The following MTUS2 variants were observed in gnomAD, a reference collection of about 807,000 sequenced individuals.
The protein encoded by MTUS2 is microtubule-associated tumor suppressor candidate 2.
A neutral mutation model predicts 114.1 loss-of-function variants in MTUS2; 40 were observed. That is an observed-to-expected ratio of 0.35 (90% confidence interval 0.27 to 0.46). The LOEUF is 0.46. MTUS2 is among the 20% of genes least tolerant of loss of function. MTUS2 has a pLI of 1.00. For missense variants in MTUS2, 1,679 were observed against 1,705.4 expected, an observed-to-expected ratio of 0.98 and a Z score of 0.27; for synonymous variants, 688 against 672.0, an observed-to-expected ratio of 1.02 and a Z score of -0.37.
intron 9 of MTUS2, among the ~76,000 whole-genome samples, chr13:29,442,224 G>A (rs889992651): frequency 1.3e-5 from 2 of 152,142 alleles, no homozygotes; most frequent in East Asian, 3.9e-4. Context: ...TCAATTCACA[G>A]CGACCACAGT....
At chr13:29,208,634 A>G (rs4769690) in intron 5 of MTUS2, among the ~76,000 whole-genome samples, 7,251 of 152,132 alleles carry the variant, frequency 0.048, 432 homozygotes, top group East Asian at 0.23. Flanking sequence ...TCGTATCACT[A>G]TAATCATTTG....
chr13:28,964,061 C>T (rs547524947), intron 2 of MTUS2, among the ~76,000 whole-genome samples: 6 of 152,176 alleles, frequency 3.9e-5, no homozygotes, highest in Non-Finnish European at 8.8e-5. Context: ...TAACCTCTAG[C>T]CCTAACCATT....
At chr13:29,313,309 G>C (rs1002762009) in intron 6 of MTUS2, among the ~76,000 whole-genome samples, 3 of 152,232 alleles carry the variant, frequency 2.0e-5, no homozygotes, top group African/African-American at 7.2e-5. Context: ...CAAAAGATTT[G>C]GCATTTTATT....
At chr13:29,286,733 C>T (rs1236573438) in intron 6 of MTUS2, among the ~76,000 whole-genome samples, 2 of 135,202 alleles carry the variant, frequency 1.5e-5, no homozygotes, top group African/African-American at 2.9e-5. Flanking sequence ...CTTTGTCACC[C>T]AGGCTGGAGT....
At chr13:29,477,192 G>C (rs1017728823) in intron 9 of MTUS2, among the ~76,000 whole-genome samples, 2 of 152,156 alleles carry the variant, frequency 1.3e-5, no homozygotes, top group African/African-American at 4.8e-5. Flanking sequence ...TAAAATTCTT[G>C]CTTCTCTACT....
At chr13:29,154,638 A>G (rs1892785857) in intron 5 of MTUS2, among the ~76,000 whole-genome samples, 1 of 152,248 alleles carries the variant, frequency 6.6e-6, no homozygotes, top group Non-Finnish European at 1.5e-5. Context: ...TGCCAGGAGA[A>G]TCAATGCAGG....
intron 4 of MTUS2, among the ~76,000 whole-genome samples, chr13:29,044,523 A>G (rs1440452326): frequency 6.6e-6 from 1 of 152,076 alleles, no homozygotes; most frequent in Non-Finnish European, 1.5e-5. Flanking sequence ...AAATATTTTC[A>G]GTCCTAATTC....
At chr13:28,920,273 G>A (rs1297223159) in intron 2 of MTUS2, among the ~76,000 whole-genome samples, 1 of 152,220 alleles carries the variant, frequency 6.6e-6, no homozygotes, top group African/African-American at 2.4e-5. Context: ...TATTCAAAAG[G>A]ACTTGGGCCT....
At chr13:29,389,542 T>A in intron 8 of MTUS2, among the ~76,000 whole-genome samples, 1 of 110,766 alleles carries the variant, frequency 9.0e-6, no homozygotes, top group Non-Finnish European at 1.8e-5. Flanking sequence ...TACACGTGTG[T>A]ATATGTATAC....
chr13:28,960,993 A>T (rs1260867525), intron 2 of MTUS2, among the ~76,000 whole-genome samples: 1 of 152,160 alleles, frequency 6.6e-6, no homozygotes, highest in African/African-American at 2.4e-5. Flanking sequence ...AAATATAATA[A>T]ATAACTCAAT....
chr13:28,835,355 G>C (rs1455262152), intron 1 of MTUS2, among the ~76,000 whole-genome samples: 1 of 152,228 alleles, frequency 6.6e-6, no homozygotes, highest in Non-Finnish European at 1.5e-5. Flanking sequence ...TTCTGGTACA[G>C]ATGGCTGAAC....
chr13:29,406,181 T>C (rs1874738487), intron 8 of MTUS2, among the ~76,000 whole-genome samples: 2 of 152,218 alleles, frequency 1.3e-5, no homozygotes, highest in South Asian at 4.1e-4. Flanking sequence ...AGAAGAAACC[T>C]ACCCTGTCTT....
chr13:28,858,434 C>T (rs1404591390), intron 2 of MTUS2, among the ~76,000 whole-genome samples: 1 of 152,142 alleles, frequency 6.6e-6, no homozygotes, highest in Non-Finnish European at 1.5e-5. Flanking sequence ...TGTATCTCTA[C>T]TCTGTCCCTG....
chr13:29,448,607 C>T (rs898210576), intron 9 of MTUS2, among the ~76,000 whole-genome samples: 8 of 151,920 alleles, frequency 5.3e-5, no homozygotes, highest in African/African-American at 1.9e-4. Flanking sequence ...CTTGTGACAG[C>T]CTCTGTTCTC....
At chr13:28,925,312 C>T (rs1182257210) in intron 2 of MTUS2, among the ~76,000 whole-genome samples, 3 of 152,044 alleles carry the variant, frequency 2.0e-5, no homozygotes, top group Non-Finnish European at 2.9e-5. Flanking sequence ...TAACGAATTC[C>T]TGGTTAAGTT....
chr13:29,326,079 G>A (rs576460707), intron 7 of MTUS2, among the ~76,000 whole-genome samples: 24 of 152,318 alleles, frequency 1.6e-4, no homozygotes, highest in Middle Eastern at 3.4e-3. Context: ...TGAGGACCCT[G>A]CATAAATCTG....
intron 9 of MTUS2, among the ~76,000 whole-genome samples, chr13:29,451,766 T>G (rs1027840882): frequency 1.3e-4 from 20 of 152,154 alleles, no homozygotes; most frequent in African/African-American, 4.3e-4. Flanking sequence ...TTTTGTATTT[T>G]TAGTAGAGAC....
chr13:28,946,894 T>G (rs1169129452), intron 2 of MTUS2, among the ~76,000 whole-genome samples: 1 of 152,176 alleles, frequency 6.6e-6, no homozygotes, highest in Non-Finnish European at 1.5e-5. Context: ...TGATGTGAAC[T>G]ATTTCCATGT....
chr13:28,871,256 C>CT (rs1877600711), intron 2 of MTUS2, among the ~76,000 whole-genome samples: 1 of 152,144 alleles, frequency 6.6e-6, no homozygotes. Context: ...GCCCTTCTAT[C>CT]TCCTTATGTT....
Sources: gnomAD v4.1 joint callset for allele counts (sites outside exome capture counted in the v4.1 genomes callset) on GRCh38, gnomAD v4.1.1 for gene constraint, MANE v1.5 for transcripts, NCBI Gene and HGNC (gene_info 2026-07-23, HGNC 2026-07-21) for gene names.